Variants in PCNX4 observed in about 807,000 individuals in gnomAD.
PCNX4 encodes pecanex-like protein 4.
PCNX4 carries 103 observed loss-of-function variants against 107.2 expected under a neutral mutation model. That is an observed-to-expected ratio of 0.96 (90% CI 0.82 to 1.13). The LOEUF (loss-of-function observed/expected upper bound fraction) is 1.13. Ranked by LOEUF, PCNX4 falls within the 50% of genes most tolerant of loss-of-function variation. The pLI is 0.00. For missense variants in PCNX4, 1,528 were observed against 1,379.4 expected, an observed-to-expected ratio of 1.11 and a Z score of -1.71; for synonymous variants, 541 against 481.7, an observed-to-expected ratio of 1.12 and a Z score of -1.61.
At chr14:60,133,602 TCAA>T (rs1000952178) in intron 10 of PCNX4, 5 of 456,478 alleles carry the variant, frequency 1.1e-5, no homozygotes, top group African/African-American at 1.0e-4. Context: ...GAATTATATC[TCAA>T]CAAAGCTGTT....
chr14:60,093,071 G>C (rs1895339838), intron 1 of PCNX4, among the ~76,000 whole-genome samples: 1 of 152,170 alleles, frequency 6.6e-6, no homozygotes, highest in South Asian at 2.1e-4. Context: ...CTTTAGCATA[G>C]CATCCAGTTC....
chr14:60,123,271 C>T (rs554069828), intron 8 of PCNX4, among the ~76,000 whole-genome samples: 2 of 151,960 alleles, frequency 1.3e-5, no homozygotes, highest in Non-Finnish European at 2.9e-5. Context: ...CTTTTTTTGA[C>T]ACAAGCTGGG....
Position 60,145,155 on chromosome 14 carries a change from A to G in PCNX4, c.*10934A>G. On this transcript the variant is annotated 3_prime_UTR_variant, in exon 11 of 11. Transcript: ENST00000406854. This position sits in a 1 kb window ranked among gnomAD's most constrained non-coding sequence, Gnocchi z 4.0. The stretch of plus-strand genomic sequence containing the variant: ...TTACAAAAGTTCAGAAACTGCTTAA[A>G]TTAGAATTTAAAAATCATAGCCAAA... 1 of 556,956 alleles carries G rather than the reference A, an allele frequency of 1.8e-6. No individual in the cohort carries two copies. The highest frequency in any genetic ancestry group is 3.0e-6 in the Non-Finnish European group (1 of 338,530). 34.5% of individuals were successfully genotyped at this position (556,956 alleles called of 1,614,324 possible). A position where few individuals can be genotyped will look rare whatever the true frequency, so the allele number is the denominator to read the frequency against.
In PCNX4 at chr14:60,125,840, T is replaced by A; in HGVS notation, c.3267+17T>A. The A allele has an allele frequency of 1.9e-6, 3 of 1,560,748 alleles. No individual in the cohort carries two copies. Among genetic ancestry groups the A allele is most frequent in the Non-Finnish European group, 2.6e-6 (3 of 1,150,476 alleles). ...TCTAATATGGTAAGGTTAAAAAATT[T>A]TTAAACTTACATATACTAACCTTAA... On this transcript the variant is annotated intron_variant, in intron 10 of 10. Coordinates refer to ENST00000406854, the MANE Select transcript of PCNX4 (RefSeq NM_001330177.2).
At chr14:60,102,501 G>A (rs978356607) in intron 1 of PCNX4, among the ~76,000 whole-genome samples, 1 of 152,036 alleles carries the variant, frequency 6.6e-6, no homozygotes, top group Admixed American at 6.5e-5. Context: ...TCAGTACGTT[G>A]CCAGATTGAT....
chr14:60,115,784 T>A lies in PCNX4; in HGVS notation c.1423T>A (p.Ser475Thr). 7 of 1,613,236 alleles carry A rather than the reference T, an allele frequency of 4.3e-6. No homozygotes were observed. The highest frequency in any genetic ancestry group is 5.9e-6 in the Non-Finnish European group (7 of 1,179,322). Residue 475 changes from serine to threonine, a missense_variant, in exon 5 of 11, where the codon TCT becomes ACT. By Grantham distance (58) the Ser-to-Thr change is moderately conservative. Coordinates refer to ENST00000406854, the MANE Select transcript of PCNX4 (RefSeq NM_001330177.2). The part of the protein sequence containing the change: ...DSSLQGLHSV[S>T]VCIGFTRAFR... The stretch of plus-strand genomic sequence containing the variant: ...TTCCTTACAAGGGCTCCACTCAGTG[T>A]CTGTCTGTATTGGATTCACAAGAGC...
rs1896018968 is a variant in PCNX4 at position 60,124,754 on chromosome 14, G to A, written c.2583G>A (p.Arg861=). ...LFIPGSVESQ[R]VGDHSTGTVP... ...TTCCAGGATCAGTAGAATCACAGAG[G>A]GTTGGTGATCATTCTACAGGCACTG... The change falls in exon 9 of 11, where the codon AGG becomes AGA. Residue 861 remains arginine, a synonymous_variant. Transcript: ENST00000406854. 1.2e-6 allele frequency: 2 copies of A among 1,613,112 alleles called. No homozygotes were observed. The highest frequency in any genetic ancestry group is 1.7e-6 in the Non-Finnish European group (2 of 1,179,776).
At chr14:60,112,004 T>A (rs575155113) in intron 2 of PCNX4, among the ~76,000 whole-genome samples, 44 of 152,314 alleles carry the variant, frequency 2.9e-4, no homozygotes, top group Non-Finnish European at 5.3e-4. Flanking sequence ...ATTTGGACAG[T>A]TGTCAGATAA....
chr14:60,133,274 C>T (rs1038521378), intron 10 of PCNX4, among the ~76,000 whole-genome samples: 1 of 152,142 alleles, frequency 6.6e-6, no homozygotes, highest in Non-Finnish European at 1.5e-5. Flanking sequence ...GAATACGGTA[C>T]TGATACATGC....
At chr14:60,119,977 G>A (rs1024418870) in intron 7 of PCNX4, among the ~76,000 whole-genome samples, 1 of 152,122 alleles carries the variant, frequency 6.6e-6, no homozygotes, top group Non-Finnish European at 1.5e-5. Context: ...TATATCCCGT[G>A]GCTCAGGGAT....
chr14:60,099,255 T>C (rs1895485833), intron 1 of PCNX4, among the ~76,000 whole-genome samples: 1 of 152,212 alleles, frequency 6.6e-6, no homozygotes, highest in Non-Finnish European at 1.5e-5. Context: ...TATAAAATTT[T>C]CCGTTTTCCA....
chr14:60,127,347 G>A (rs1896074576), intron 10 of PCNX4, among the ~76,000 whole-genome samples: 1 of 152,136 alleles, frequency 6.6e-6, no homozygotes, highest in African/African-American at 2.4e-5. Flanking sequence ...ATGTTTAATT[G>A]GATCAGTCTG....
At chr14:60,094,316 A>AC (rs1221405362) in intron 1 of PCNX4, among the ~76,000 whole-genome samples, 1 of 62,974 alleles carries the variant, frequency 1.6e-5, no homozygotes, top group African/African-American at 3.1e-5. Flanking sequence ...AAAGAACCCT[A>AC]TTCCCCCAAG....
chr14:60,131,118 G>T (rs1235589712), intron 10 of PCNX4, among the ~76,000 whole-genome samples: 1 of 152,108 alleles, frequency 6.6e-6, no homozygotes, highest in East Asian at 1.9e-4. Flanking sequence ...AAACCACCCC[G>T]ATCTTGGACC....
Position 60,115,962 on chromosome 14 carries a change from G to A in PCNX4, c.1480G>A (p.Ala494Thr), listed in dbSNP as rs1468033499. The A allele has an allele frequency of 1.2e-6, 2 of 1,611,278 alleles. No homozygotes were observed. Among genetic ancestry groups the A allele is most frequent in the East Asian group, 2.2e-5 (1 of 44,828 alleles). The change falls in exon 6 of 11, where the codon GCT becomes ACT. Residue 494 changes from alanine (A) to threonine (T), a missense_variant. Physicochemically the swap from Ala to Thr is moderately conservative, Grantham distance 58. Transcript: ENST00000406854. Reference protein sequence around the residue: ...FRMVWQNTENALLETVIVSTV... With the variant: ...FRMVWQNTENTLLETVIVSTV... ...GCAGGTATGGCAGAATACAGAAAAT[G>A]CTTTATTGGAGACAGTCATTGTATC...
intron 1 of PCNX4, among the ~76,000 whole-genome samples, chr14:60,096,094 T>G (rs1045417171): frequency 2.0e-5 from 3 of 152,198 alleles, no homozygotes; most frequent in African/African-American, 7.2e-5. Context: ...TTTCCCAGGA[T>G]CCAAACCCAC....
At chr14:60,104,368 C>T (rs1348704167) in intron 1 of PCNX4, among the ~76,000 whole-genome samples, 5 of 150,406 alleles carry the variant, frequency 3.3e-5, no homozygotes, top group Admixed American at 2.6e-4. Flanking sequence ...GGTAAATACT[C>T]CCAGCTTCCG....
In PCNX4 at chr14:60,108,278, A is replaced by T. The variant is rs780963234; in HGVS notation, c.640A>T (p.Met214Leu). 1.5e-5 allele frequency: 24 copies of T among 1,611,472 alleles called. No individual in the cohort carries two copies. In the African/African-American group the frequency reaches 3.1e-4, roughly 21 times the overall value. ...TQDTYEIIPL[M>L]RPLYIFFFVS... ...GGATACTTATGAAATTATTCCTCTT[A>T]TGAGACCTCTTTATATTTTTTTCTT... Residue 214 changes from methionine (M) to leucine (L), a missense_variant, in exon 2 of 11, where the codon ATG (methionine) becomes TTG (leucine). Coordinates refer to ENST00000406854, the MANE Select transcript of PCNX4 (RefSeq NM_001330177.2).
Position 60,114,971 on chromosome 14 carries a change from C to G in PCNX4, c.870-3C>G. ...TATTTTTTTCTTTTTTTTTTCTGTACAGGTTATTAGTAATGTTCATCATGT... is the reference window on the plus strand; with the variant it reads ...TATTTTTTTCTTTTTTTTTTCTGTAGAGGTTATTAGTAATGTTCATCATGT... On this transcript the variant is annotated splice_polypyrimidine_tract_variant and splice_region_variant and intron_variant, in intron 3 of 10. Coordinates refer to ENST00000406854, the MANE Select transcript of PCNX4 (RefSeq NM_001330177.2). 1.9e-6 allele frequency: 3 copies of G among 1,574,098 alleles called. No homozygotes were observed. The highest frequency in any genetic ancestry group is 2.3e-5 in the East Asian group (1 of 44,360).
Sources: allele counts gnomAD v4.1 joint callset (sites outside exome capture counted in the v4.1 genomes callset), GRCh38; gene constraint gnomAD v4.1.1; non-coding constraint Gnocchi (gnomAD v3.1); transcripts MANE v1.5; gene names NCBI Gene and HGNC (gene_info 2026-07-23, HGNC 2026-07-21).